PTPRB: variants seen among roughly 807,000 people sequenced by gnomAD.
The protein encoded by PTPRB is protein tyrosine phosphatase receptor type B.
PTPRB carries 97 observed loss-of-function variants against 238.1 expected under a neutral mutation model. That is an observed-to-expected ratio of 0.41 (90% confidence interval 0.35 to 0.48). The LOEUF is 0.48. Among genes scored for constraint, PTPRB ranks in the 20% least tolerant of loss-of-function variants. PTPRB has a pLI of 0.30. For synonymous variants in PTPRB, 970 were observed against 995.4 expected, an observed-to-expected ratio of 0.97 and a Z score of 0.48; for missense variants, 2,292 against 2,681.9, an observed-to-expected ratio of 0.85 and a Z score of 3.21.
intron 9 of PTPRB, among the ~76,000 whole-genome samples, chr12:70,584,374 G>C (rs1425985852): frequency 6.6e-6 from 1 of 152,282 alleles, no homozygotes; most frequent in African/African-American, 2.4e-5. Context: ...GAATTTCCAG[G>C]ATTGTAGAAA....
chr12:70,608,789 C>T, intron 4 of PTPRB: 2 of 398,828 alleles, frequency 5.0e-6, no homozygotes, highest in Non-Finnish European at 8.9e-6. Context: ...AAAAAATTCC[C>T]ACCGCAGCCC....
At chr12:70,630,361 T>C (rs760934432) in intron 2 of PTPRB, among the ~76,000 whole-genome samples, 77 of 152,066 alleles carry the variant, frequency 5.1e-4, no homozygotes, top group Non-Finnish European at 1.0e-3. Flanking sequence ...TTTGACAAAA[T>C]CCAACAGCCC....
At position 70,519,827 on chromosome 12, in the gene PTPRB, T is replaced by C. The variant is rs1871482610; in HGVS notation, c.*1662A>G. On this transcript the variant is annotated 3_prime_UTR_variant, in exon 34 of 34. Transcript: ENST00000334414. Reference sequence around the variant, plus strand: ...ACAAGAGCATTGAGCACAATGAAACTGTGAATCTTTGAAGCTTATGATTAT... The same window carrying C: ...ACAAGAGCATTGAGCACAATGAAACCGTGAATCTTTGAAGCTTATGATTAT... The C allele has an allele frequency of 6.2e-6, 1 of 161,964 alleles. No individual in the cohort carries two copies. Among genetic ancestry groups the C allele is most frequent in the Admixed American group, 6.3e-5 (1 of 15,872 alleles). 10.0% of individuals were successfully genotyped at this position (161,964 alleles called of 1,614,324 possible). A position where few individuals can be genotyped will look rare whatever the true frequency, so the allele number is the denominator to read the frequency against.
chr12:70,633,158 C>T (rs1885530172), intron 2 of PTPRB, among the ~76,000 whole-genome samples: 1 of 152,202 alleles, frequency 6.6e-6, no homozygotes, highest in Non-Finnish European at 1.5e-5. Context: ...TAGTTACCAA[C>T]TTAAACAATG....
In PTPRB at chr12:70,581,222, C is replaced by T; in HGVS notation, c.2392G>A (p.Gly798Arg). Residue 798 changes from glycine to arginine, a missense_variant, in exon 10 of 34, where the codon GGA becomes AGA. This residue lies in a region of PTPRB where 1,205 missense variants were observed against 1,287.8 expected (regional missense o/e 0.94). Transcript: ENST00000334414. The stretch of plus-strand genomic sequence containing the variant: ...AAGACTTGGTAAAATTCTACGTCTC[C>T]TTGTGCCTGGGTCCAGTTAGTAAAC... ...SLFTNWTQAQ[G>R]DVEFYQVLLI... The T allele has an allele frequency of 6.2e-7, 1 of 1,613,974 alleles. No individual in the cohort carries two copies. The highest frequency in any genetic ancestry group is 1.1e-5 in the South Asian group (1 of 91,082).
intron 4 of PTPRB, among the ~76,000 whole-genome samples, chr12:70,606,134 A>T (rs111638966): frequency 6.6e-6 from 1 of 152,182 alleles, no homozygotes; most frequent in South Asian, 2.1e-4. Flanking sequence ...AGATGAGATA[A>T]AGCTCTGTTG....
At chr12:70,564,846 T>A (rs201375682) in intron 15 of PTPRB, among the ~76,000 whole-genome samples, 6 of 3,910 alleles carry the variant, frequency 1.5e-3, no homozygotes, top group African/African-American at 3.5e-3. Context: ...AAATAATAAA[T>A]AATAATAATA....
chr12:70,630,829 T>C (rs902964385), intron 2 of PTPRB, among the ~76,000 whole-genome samples: 1 of 152,138 alleles, frequency 6.6e-6, no homozygotes, highest in African/African-American at 2.4e-5. Context: ...CCATTCACAA[T>C]TGCTACAAAG....
Position 70,555,996 on chromosome 12 carries a change from T to C in PTPRB, c.4867A>G (p.Lys1623Glu). 6.2e-7 allele frequency: 1 copy of C among 1,614,000 alleles called. No homozygotes were observed. The highest frequency in any genetic ancestry group is 8.5e-7 in the Non-Finnish European group (1 of 1,179,890). The change falls in exon 19 of 34, where the codon AAA (lysine) becomes GAA (glutamate). Residue 1623 changes from lysine (K) to glutamate (E), a missense_variant. This residue lies in a region of PTPRB where 683 missense variants were observed against 862.0 expected (regional missense o/e 0.79). Coordinates refer to ENST00000334414, the MANE Select transcript of PTPRB (RefSeq NM_001109754.4). ...ATGATGTTGAGCAGAGATTTTTCTT[T>C]CTCCAGCTTTCTGGAAAACTCAACT... Reference protein sequence around the residue: ...QEVEFSRKLEKEKSLLNIMML... With the variant: ...QEVEFSRKLEEEKSLLNIMML...
At chr12:70,623,492 T>A (rs1005989278) in intron 2 of PTPRB, among the ~76,000 whole-genome samples, 1 of 152,220 alleles carries the variant, frequency 6.6e-6, no homozygotes. Context: ...TCTCAGGTGA[T>A]GCTGATGTTG....
chr12:70,541,007 T>C, intron 22 of PTPRB, 50 bp from the exon 23 acceptor site: 1 of 1,430,406 alleles, frequency 7.0e-7, no homozygotes, highest in Non-Finnish European at 9.6e-7. Context: ...AAATTAGTGC[T>C]AGGGAACCAG....
At chr12:70,535,893 T>A in intron 29 of PTPRB, 132 bp downstream of exon 29, 1 of 1,065,080 alleles carries the variant, frequency 9.4e-7, no homozygotes, top group Non-Finnish European at 1.4e-6. Context: ...TTGAACAGAG[T>A]GGTATAAGTC....
At chr12:70,605,523 T>C (rs1883877879) in intron 4 of PTPRB, among the ~76,000 whole-genome samples, 1 of 152,192 alleles carries the variant, frequency 6.6e-6, no homozygotes, top group Non-Finnish European at 1.5e-5. Flanking sequence ...AAATGCTCCC[T>C]AAAATTTTCA....
At chr12:70,541,259 G>A (rs7970117) in intron 22 of PTPRB, 2,513 of 219,422 alleles carry the variant, frequency 0.011, 65 homozygotes, top group African/African-American at 0.053. Context: ...TGGGGCACCT[G>A]AGATAAAGGC....
At chr12:70,537,321 G>C (rs959117706) in intron 28 of PTPRB, among the ~76,000 whole-genome samples, 1 of 144,732 alleles carries the variant, frequency 6.9e-6, no homozygotes, top group Non-Finnish European at 1.5e-5. Flanking sequence ...AAGAAATACA[G>C]ATTCCCAGGC....
intron 28 of PTPRB, among the ~76,000 whole-genome samples, chr12:70,537,777 T>C (rs1874397564): frequency 6.6e-6 from 1 of 152,186 alleles, no homozygotes; most frequent in Non-Finnish European, 1.5e-5. Flanking sequence ...AAAGATTTGA[T>C]ATAACCTTTG....
At chr12:70,576,181 A>G (rs1358771548) in intron 11 of PTPRB, among the ~76,000 whole-genome samples, 1 of 152,162 alleles carries the variant, frequency 6.6e-6, no homozygotes, top group Non-Finnish European at 1.5e-5. Context: ...TTTTTTCACT[A>G]TTTGAATATA....
chr12:70,563,040 G>C lies in PTPRB; in HGVS notation c.3972C>G (p.Thr1324=). 1 of 1,613,824 alleles carries C rather than the reference G, an allele frequency of 6.2e-7. No individual in the cohort carries two copies. The highest frequency in any genetic ancestry group is 8.5e-7 in the Non-Finnish European group (1 of 1,179,818). ...ACCAGCTGAGCTCCCCCTCTGAGGC[G>C]GTCCAGCGGAAGGACAGGTGCCTGG... ...NSTRHLSFRW[T]ASEGELSWYN... is the part of the protein sequence containing the mutation. Residue 1324 remains threonine, a synonymous_variant, in exon 16 of 34, where the codon ACC becomes ACG. Transcript: ENST00000334414.
intron 2 of PTPRB, among the ~76,000 whole-genome samples, chr12:70,627,049 AT>A (rs139936043): frequency 0.013 from 2,046 of 152,332 alleles, 44 homozygotes; most frequent in African/African-American, 0.046. Context: ...GACTAAAAAA[AT>A]AATTGAAAGG....
Sources: allele counts gnomAD v4.1 joint callset (sites outside exome capture counted in the v4.1 genomes callset), GRCh38; gene constraint gnomAD v4.1.1; regional missense constraint gnomAD v4.1.1; transcripts MANE v1.5; gene names NCBI Gene and HGNC (gene_info 2026-07-23, HGNC 2026-07-21).